Variants in ZNF184 observed in about 807,000 individuals in gnomAD.
ZNF184 encodes zinc finger protein 184 (Kruppel-like).
Under a neutral mutation model 54.4 loss-of-function variants are expected in ZNF184, and 16 were observed. That is an observed-to-expected ratio of 0.29 (90% CI 0.20 to 0.45). ZNF184 has a LOEUF of 0.45. ZNF184 is among the 20% of genes least tolerant of loss of function. The pLI is 1.00. For missense variants in ZNF184, 681 were observed against 888.2 expected (o/e 0.77, Z 2.97); for synonymous variants, 254 against 295.3 (o/e 0.86, Z 1.43).
chr6:27,442,880 A>AAGAAAGAAAAGAAAG, the ZNF184 span, among the ~76,000 whole-genome samples: 6,034 of 86,216 alleles, frequency 0.07, 828 homozygotes, highest in East Asian at 0.12. Flanking sequence ...GAAAGAAAGA[A>AAGAAAGAAAAGAAAG]AAAGAAAAAA....
chr6:27,444,867 A>T, the ZNF184 span, among the ~76,000 whole-genome samples: 1 of 152,110 alleles, frequency 6.6e-6, no homozygotes, highest in Non-Finnish European at 1.5e-5. Context: ...CATACCCCAG[A>T]CTTGCATATC....
the ZNF184 span, among the ~76,000 whole-genome samples, chr6:27,423,901 T>G: frequency 6.6e-6 from 1 of 152,208 alleles, no homozygotes; most frequent in African/African-American, 2.4e-5. Context: ...AGGCTTTCTG[T>G]TTATTTGGAA....
chr6:27,437,549 A>G, the ZNF184 span, among the ~76,000 whole-genome samples: 3 of 152,234 alleles, frequency 2.0e-5, no homozygotes, highest in African/African-American at 7.2e-5. Context: ...GTAAGACCCT[A>G]CAAAGAGAAA....
the ZNF184 span, among the ~76,000 whole-genome samples, chr6:27,410,064 G>T: frequency 0.68 from 103,778 of 152,094 alleles, 35,492 homozygotes; most frequent in Middle Eastern, 0.79. Context: ...CTAGAAGAAA[G>T]AGACTATGCC....
At chr6:27,442,600 C>A in the ZNF184 span, among the ~76,000 whole-genome samples, 2 of 150,136 alleles carry the variant, frequency 1.3e-5, no homozygotes, top group Non-Finnish European at 3.0e-5. Context: ...CTGTTGAAAG[C>A]AAGAAAGCAA....
chr6:27,445,716 T>C, the ZNF184 span, among the ~76,000 whole-genome samples: 1 of 20,700 alleles, frequency 4.8e-5, no homozygotes, highest in Non-Finnish European at 1.1e-4. Context: ...GGTATTCTGT[T>C]ATAGCAAAAA....
At chr6:27,448,445 C>A (rs1762662355), downstream of ZNF184, among the ~76,000 whole-genome samples, 2 of 152,162 alleles carry the variant, frequency 1.3e-5, no homozygotes. Context: ...CAGCAAGTGA[C>A]CCTTTTTAAA....
Position 27,452,575 on chromosome 6 carries a change from ATG to A in ZNF184, c.982_983del (p.His328TyrfsTer9). On this transcript the variant is annotated frameshift_variant, in exon 6 of 6. Coordinates refer to ENST00000683788, the MANE Select transcript of ZNF184 (RefSeq NM_001318891.2). LOFTEE classifies it high-confidence loss of function. The surrounding 1 kb of genome is among the most constrained non-coding windows in gnomAD (Gnocchi z 5.5). ...RTHLVQHQRI[H>X]TGEKPYTCNE... ...TACAAGTGTATGGCTTCTCGCCAGTATGAATTCTCTGATGCTGAACAAGATGG... is the reference window on the plus strand; with the variant it reads ...TACAAGTGTATGGCTTCTCGCCAGTAAATTCTCTGATGCTGAACAAGATGG... 6.2e-7 allele frequency: 1 copy of A among 1,614,052 alleles called. No individual in the cohort carries two copies. The highest frequency in any genetic ancestry group is 2.2e-5 in the East Asian group (1 of 44,876).
the ZNF184 span, among the ~76,000 whole-genome samples, chr6:27,416,658 T>C: frequency 6.6e-6 from 1 of 152,156 alleles, no homozygotes; most frequent in Non-Finnish European, 1.5e-5. Flanking sequence ...TATCATTGGG[T>C]ATTTTAGGAG....
chr6:27,424,346 C>T, the ZNF184 span, among the ~76,000 whole-genome samples: 5 of 152,184 alleles, frequency 3.3e-5, no homozygotes, highest in Non-Finnish European at 5.9e-5. Context: ...AACAAAGCTT[C>T]CACAGGGTAC....
the ZNF184 span, among the ~76,000 whole-genome samples, chr6:27,432,969 A>C: frequency 6.6e-6 from 1 of 152,220 alleles, no homozygotes; most frequent in Non-Finnish European, 1.5e-5. This position sits in a 1 kb window ranked among gnomAD's most constrained non-coding sequence, Gnocchi z 4.0. Context: ...CAACCTGTGA[A>C]TCTTTTGGCC....
chr6:27,466,114 AAGAC>A (rs1188482318), intron 3 of ZNF184, among the ~76,000 whole-genome samples: 1 of 151,914 alleles, frequency 6.6e-6, no homozygotes, highest in Non-Finnish European at 1.5e-5. Flanking sequence ...AGGAGACAGA[AAGAC>A]AGAAGACAAG....
intron 4 of ZNF184, 60 bp downstream of exon 4, chr6:27,457,223 A>C (rs919321905): frequency 6.3e-6 from 10 of 1,577,876 alleles, no homozygotes; most frequent in African/African-American, 1.4e-5. Context: ...TCCCCTGAGC[A>C]CAAGAGAGAA....
chr6:27,435,795 G>A, the ZNF184 span, among the ~76,000 whole-genome samples: 16 of 152,128 alleles, frequency 1.1e-4, no homozygotes, highest in Admixed American at 6.5e-5. Flanking sequence ...ACCCAGTAAA[G>A]GTATTGGCCC....
chr6:27,432,754 A>C, the ZNF184 span, among the ~76,000 whole-genome samples: 1 of 152,218 alleles, frequency 6.6e-6, no homozygotes, highest in Non-Finnish European at 1.5e-5. This position sits in a 1 kb window ranked among gnomAD's most constrained non-coding sequence, Gnocchi z 4.0. Context: ...TAAGAAGTGA[A>C]GGCTATTCTC....
chr6:27,466,607 A>G (rs1490453981), intron 3 of ZNF184, among the ~76,000 whole-genome samples: 4 of 152,178 alleles, frequency 2.6e-5, no homozygotes, highest in Non-Finnish European at 4.4e-5. Flanking sequence ...ATGAATGTAT[A>G]CATGACAAAA....
At chr6:27,426,682 G>A in the ZNF184 span, among the ~76,000 whole-genome samples, 4 of 152,224 alleles carry the variant, frequency 2.6e-5, no homozygotes, top group East Asian at 1.9e-4. The surrounding 1 kb of genome is among the most constrained non-coding windows in gnomAD (Gnocchi z 4.2). Flanking sequence ...AAACCCACAC[G>A]CTATTAGTCA....
intron 3 of ZNF184, among the ~76,000 whole-genome samples, chr6:27,463,687 A>G (rs1452238713): frequency 6.6e-6 from 1 of 152,150 alleles, no homozygotes; most frequent in African/African-American, 2.4e-5. Flanking sequence ...AAGTAATCTG[A>G]GGAAAAAAGA....
At chr6:27,456,223 A>C (rs1233624000) in intron 5 of ZNF184, among the ~76,000 whole-genome samples, 1 of 151,924 alleles carries the variant, frequency 6.6e-6, no homozygotes, top group Non-Finnish European at 1.5e-5. Context: ...ACGCCACTGC[A>C]CTACAGCCTG....
Sources: allele counts gnomAD v4.1 joint callset (sites outside exome capture counted in the v4.1 genomes callset), GRCh38; gene constraint gnomAD v4.1.1; non-coding constraint Gnocchi (gnomAD v3.1); transcripts MANE v1.5; gene names NCBI Gene and HGNC (gene_info 2026-07-23, HGNC 2026-07-21).